Variants in TPRX1 observed in about 807,000 individuals in gnomAD.
The protein encoded by TPRX1 is tetra-peptide repeat homeobox protein 1.
TPRX1 carries 2 observed loss-of-function variants against 8.1 expected under a neutral mutation model. The observed-to-expected ratio is 0.25, with a 90% CI of 0.10 to 0.78. The LOEUF (loss-of-function observed/expected upper bound fraction) is 0.78. Among genes scored for constraint, TPRX1 ranks in the 30% least tolerant of loss-of-function variants. TPRX1 has a pLI of 0.70. For missense variants in TPRX1, 517 were observed against 586.9 expected, an observed-to-expected ratio of 0.88 and a Z score of 1.23; for synonymous variants, 257 against 254.1, an observed-to-expected ratio of 1.01 and a Z score of -0.11.
chr19:47,816,457 C>T (rs1967841457), intron 2 of TPRX1, among the ~76,000 whole-genome samples: 1 of 151,630 alleles, frequency 6.6e-6, no homozygotes, highest in African/African-American at 2.4e-5. Flanking sequence ...CACTATGTTG[C>T]CCAGGCTGGC....
At chr19:47,804,630 C>T (rs551094973) in intron 2 of TPRX1, among the ~76,000 whole-genome samples, 79 bp from the exon 1 acceptor site, 1 of 151,582 alleles carries the variant, frequency 6.6e-6, no homozygotes, top group African/African-American at 2.4e-5. Flanking sequence ...CCTGGCCCAC[C>T]CTGCCGGGAC....
At chr19:47,803,316 T>C (rs1394369548) in intron 3 of TPRX1, among the ~76,000 whole-genome samples, 188 bp downstream of exon 2, 1 of 151,492 alleles carries the variant, frequency 6.6e-6, no homozygotes. Context: ...CCTGGGCCGA[T>C]CATGTGGGCG....
At chr19:47,816,677 C>T (rs888224475) in intron 2 of TPRX1, among the ~76,000 whole-genome samples, 33 of 151,838 alleles carry the variant, frequency 2.2e-4, no homozygotes, top group South Asian at 4.2e-4. Flanking sequence ...GGACTACAGG[C>T]GCCCGCCACC....
exon 4 of TPRX1, chr19:47,802,350 C>G (rs1471659937): frequency 7.5e-7 from 1 of 1,326,274 alleles, no homozygotes; most frequent in Non-Finnish European, 1.0e-6. Flanking sequence ...GGGATCGGGC[C>G]TGGGTTTGGG....
exon 4 of TPRX1, chr19:47,802,015 G>A (rs149923413): frequency 1.1e-5 from 18 of 1,612,454 alleles, no homozygotes; most frequent in Middle Eastern, 1.7e-4. Context: ...GAGGCCATAA[G>A]GGGGCTGGGG....
At chr19:47,804,086 C>T (rs940979234) in intron 2 of TPRX1, among the ~76,000 whole-genome samples, 28 of 150,338 alleles carry the variant, frequency 1.9e-4, no homozygotes, top group African/African-American at 5.1e-4. Flanking sequence ...GAGGGGATCT[C>T]GCTCTGTCAC....
chr19:47,803,279 G>C (rs1172357306), intron 3 of TPRX1, among the ~76,000 whole-genome samples: 2 of 151,828 alleles, frequency 1.3e-5, no homozygotes, highest in Non-Finnish European at 2.9e-5. Flanking sequence ...CTGAGGTCCG[G>C]GCACCGGGAG....
At chr19:47,812,749 T>A (rs116098804) in intron 2 of TPRX1, among the ~76,000 whole-genome samples, 1 of 151,712 alleles carries the variant, frequency 6.6e-6, no homozygotes, top group East Asian at 2.0e-4. Flanking sequence ...TGAGAAACAC[T>A]GCACTTCATC....
chr19:47,812,532 G>A (rs1162055590), intron 2 of TPRX1, among the ~76,000 whole-genome samples: 1 of 151,010 alleles, frequency 6.6e-6, no homozygotes, highest in African/African-American at 2.4e-5. Flanking sequence ...TGAGGGGTTC[G>A]AGACCGGCCT....
At chr19:47,818,060 G>T (rs1967860591) in intron 2 of TPRX1, among the ~76,000 whole-genome samples, 1 of 152,200 alleles carries the variant, frequency 6.6e-6, no homozygotes, top group South Asian at 2.1e-4. Flanking sequence ...AGCATCCAGA[G>T]ATTCAAACAC....
At chr19:47,817,848 C>G (rs144001969) in intron 2 of TPRX1, among the ~76,000 whole-genome samples, 3 of 152,352 alleles carry the variant, frequency 2.0e-5, no homozygotes, top group African/African-American at 7.2e-5. Context: ...CTTGGCAAGA[C>G]CCTCCCGACT....
intron 2 of TPRX1, among the ~76,000 whole-genome samples, chr19:47,811,601 C>T (rs1052015726): frequency 8.0e-5 from 12 of 150,706 alleles, no homozygotes; most frequent in East Asian, 2.0e-4. Context: ...CGGATTCAAG[C>T]GATTCTCCTG....
chr19:47,812,272 T>C (rs8104782), intron 2 of TPRX1, among the ~76,000 whole-genome samples: 39,958 of 151,990 alleles, frequency 0.26, 5,660 homozygotes, highest in Middle Eastern at 0.36. Context: ...AACTCGTTGT[T>C]CAAGTGGGGG....
chr19:47,816,216 A>T (rs190054625), intron 2 of TPRX1, among the ~76,000 whole-genome samples: 21 of 150,636 alleles, frequency 1.4e-4, no homozygotes, highest in African/African-American at 5.1e-4. Context: ...TTATAGGCGC[A>T]CACCACCATA....
chr19:47,818,463 C>T (rs1967871472), intron 2 of TPRX1: 1 of 455,282 alleles, frequency 2.2e-6, no homozygotes, highest in Non-Finnish European at 4.4e-6. Context: ...TGAACACACA[C>T]TTACTGCTGT....
At chr19:47,809,511 G>A (rs1967763753) in intron 2 of TPRX1, among the ~76,000 whole-genome samples, 1 of 151,962 alleles carries the variant, frequency 6.6e-6, no homozygotes, top group Non-Finnish European at 1.5e-5. Context: ...TCTAACTCCT[G>A]ACCTCAAGTG....
chr19:47,806,171 G>A (rs1164905216), intron 2 of TPRX1, among the ~76,000 whole-genome samples: 1 of 151,758 alleles, frequency 6.6e-6, no homozygotes, highest in African/African-American at 2.4e-5. Flanking sequence ...ACAGGGAGTG[G>A]AGATTGTGCC....
chr19:47,813,143 T>TAAATAAATAAA (rs1337149411), intron 2 of TPRX1, among the ~76,000 whole-genome samples: 2 of 91,282 alleles, frequency 2.2e-5, no homozygotes, highest in Non-Finnish European at 5.1e-5. Context: ...AAATAAATAA[T>TAAATAAATAAA]AATAAATAAA....
At chr19:47,802,011 A>G in exon 4 of TPRX1, 1 of 1,612,862 alleles carries the variant, frequency 6.2e-7, no homozygotes. Flanking sequence ...CTCTGAGGCC[A>G]TAAGGGGGCT....
Sources: allele counts gnomAD v4.1 joint callset (sites outside exome capture counted in the v4.1 genomes callset), GRCh38; gene constraint gnomAD v4.1.1; transcripts MANE v1.5; gene names NCBI Gene and HGNC (gene_info 2026-07-23, HGNC 2026-07-21).